Variants in ITGA8 observed in about 807,000 individuals in gnomAD.
The protein encoded by ITGA8 is integrin subunit alpha 8.
In ITGA8, 91 loss-of-function variants were observed where a neutral mutation model predicts 142.3. That is an observed-to-expected ratio of 0.64 (90% CI 0.54 to 0.76). The LOEUF (loss-of-function observed/expected upper bound fraction) is 0.76, where lower values mean the gene tolerates loss of function less well. ITGA8 is among the 30% of genes least tolerant of loss of function. The pLI is 0.00. For missense variants in ITGA8, 1,406 were observed against 1,327.7 expected (o/e 1.06, Z -0.92); for synonymous variants, 505 against 485.2 (o/e 1.04, Z -0.54).
At chr10:15,623,662 G>A (rs1344416663) in intron 13 of ITGA8, among the ~76,000 whole-genome samples, 1 of 151,958 alleles carries the variant, frequency 6.6e-6, no homozygotes, top group Non-Finnish European at 1.5e-5. Context: ...CTCCAGCCAG[G>A]GTGGCAGAGT....
intron 28 of ITGA8, among the ~76,000 whole-genome samples, chr10:15,525,268 C>A (rs1302004402): frequency 1.3e-5 from 2 of 152,108 alleles, no homozygotes; most frequent in East Asian, 3.8e-4. Context: ...CAAGACATAA[C>A]CTTGCCCTTG....
intron 20 of ITGA8, among the ~76,000 whole-genome samples, chr10:15,603,754 T>G (rs1319475): frequency 0.78 from 119,314 of 152,110 alleles, 46,932 homozygotes; most frequent in South Asian, 0.89. Flanking sequence ...TTTCCCTTCC[T>G]GTGTCGGTCC....
chr10:15,557,206 C>A (rs1331584433), intron 26 of ITGA8, among the ~76,000 whole-genome samples: 1 of 152,060 alleles, frequency 6.6e-6, no homozygotes, highest in Non-Finnish European at 1.5e-5. Context: ...CATAGTGAAA[C>A]CTTACCTCTA....
chr10:15,624,296 C>T (rs1833543300), intron 13 of ITGA8, among the ~76,000 whole-genome samples: 1 of 152,194 alleles, frequency 6.6e-6, no homozygotes, highest in Non-Finnish European at 1.5e-5. Flanking sequence ...AACTCCAGTT[C>T]ACTTTGCTAC....
Position 15,678,771 on chromosome 10 carries a change from G to T in ITGA8, c.581C>A (p.Pro194Gln). The change falls in exon 5 of 30, where the codon CCG becomes CAG. Residue 194 changes from proline to glutamine, a missense_variant. Transcript: ENST00000378076. ...TGCTTGGCAGTAACCCTGGCCTTCC[G>T]GATCAGCATTGCCTAGAACGATCAA... ...FSPCRNSNAD[P>Q]EGQGYCQAGF... is the part of the protein sequence containing the mutation. The T allele has an allele frequency of 6.2e-7, 1 of 1,605,672 alleles. No individual in the cohort carries two copies. The highest frequency in any genetic ancestry group is 8.5e-7 in the Non-Finnish European group (1 of 1,172,966).
intron 6 of ITGA8, among the ~76,000 whole-genome samples, chr10:15,673,828 C>T (rs944486223): frequency 3.4e-5 from 5 of 148,794 alleles, no homozygotes; most frequent in African/African-American, 5.2e-5. Flanking sequence ...GTTAATCTCT[C>T]TCAAAAGTCA....
intron 13 of ITGA8, among the ~76,000 whole-genome samples, chr10:15,636,275 T>C (rs1355101843): frequency 6.6e-6 from 1 of 152,238 alleles, no homozygotes; most frequent in Non-Finnish European, 1.5e-5. Context: ...TCCTCTAAAA[T>C]GCTTTCACTC....
chr10:15,532,243 C>T (rs1181027066), intron 27 of ITGA8, among the ~76,000 whole-genome samples: 1 of 151,758 alleles, frequency 6.6e-6, no homozygotes, highest in Non-Finnish European at 1.5e-5. Flanking sequence ...GATGGTGAAA[C>T]CCTGTCTCTA....
At chr10:15,668,767 C>T (rs1834448219) in intron 8 of ITGA8, among the ~76,000 whole-genome samples, 1 of 152,046 alleles carries the variant, frequency 6.6e-6, no homozygotes, top group South Asian at 2.1e-4. Context: ...TTTATTTCTC[C>T]TTCACTTCTG....
Position 15,687,930 on chromosome 10 carries a change from A to G in ITGA8, c.444+8T>C, listed in dbSNP as rs200587719. ...AAGCAGCAGCACAAGCCCACGGCTC[A>G]TACTCACCACAACTTTTCCTTTGTG... On this transcript the variant is annotated splice_region_variant and intron_variant, in intron 3 of 29. Transcript: ENST00000378076. 620 of 1,567,560 alleles carry G rather than the reference A, an allele frequency of 4.0e-4. No individual in the cohort carries two copies. Among genetic ancestry groups the G allele is most frequent in the Non-Finnish European group, 5.3e-4 (600 of 1,137,670 alleles).
At chr10:15,571,280 G>C (rs1338983672) in intron 25 of ITGA8, among the ~76,000 whole-genome samples, 2 of 152,214 alleles carry the variant, frequency 1.3e-5, no homozygotes, top group African/African-American at 4.8e-5. Flanking sequence ...GGGCAGACCT[G>C]CTCTGTCTTG....
At chr10:15,646,295 T>G (rs1050559258) in intron 12 of ITGA8, among the ~76,000 whole-genome samples, 1 of 152,234 alleles carries the variant, frequency 6.6e-6, no homozygotes, top group Admixed American at 6.5e-5. Flanking sequence ...AAGTTTAAAG[T>G]TGAACATTTG....
At chr10:15,598,443 A>G (rs1167434373) in intron 20 of ITGA8, among the ~76,000 whole-genome samples, 1 of 152,234 alleles carries the variant, frequency 6.6e-6, no homozygotes, top group Admixed American at 6.5e-5. Flanking sequence ...TTTTATTAAC[A>G]AAAGCCCAAA....
At chr10:15,581,905 G>T (rs1834415388) in intron 23 of ITGA8, among the ~76,000 whole-genome samples, 3 of 152,140 alleles carry the variant, frequency 2.0e-5, no homozygotes, top group South Asian at 4.1e-4. Context: ...ATTCAGTGGG[G>T]GGAAAAATGG....
chr10:15,672,722 T>G lies in ITGA8; in HGVS notation c.704A>C (p.Asp235Ala). 1 of 1,612,480 alleles carries G rather than the reference T, an allele frequency of 6.2e-7. No homozygotes were observed. The highest frequency in any genetic ancestry group is 8.5e-7 in the Non-Finnish European group (1 of 1,179,332). The change falls in exon 7 of 30, where the codon GAT becomes GCT. Residue 235 changes from aspartate (D) to alanine (A), a missense_variant. Asp to Ala is a moderately radical substitution (Grantham distance 126). Coordinates refer to ENST00000378076, the MANE Select transcript of ITGA8 (RefSeq NM_003638.3). ...CTTGAATGAGTAATTTGCAATGATATCTGCAACACTGGCAGTGATCACTTG... is the reference window on the plus strand; with the variant it reads ...CTTGAATGAGTAATTTGCAATGATAGCTGCAACACTGGCAGTGATCACTTG... ...QGQVITASVA[D>A]IIANYSFKDI...
intron 13 of ITGA8, among the ~76,000 whole-genome samples, chr10:15,625,549 G>T (rs981308312): frequency 6.6e-6 from 1 of 152,202 alleles, no homozygotes; most frequent in African/African-American, 2.4e-5. Context: ...GTCTCCAGAA[G>T]AGCGTGATAG....
At chr10:15,652,211 A>G (rs962040505) in intron 11 of ITGA8, among the ~76,000 whole-genome samples, 11 of 152,228 alleles carry the variant, frequency 7.2e-5, no homozygotes, top group Non-Finnish European at 1.2e-4. Flanking sequence ...AAAGTACTAT[A>G]AACATTCTCA....
At chr10:15,629,682 T>A (rs1188023224) in intron 13 of ITGA8, among the ~76,000 whole-genome samples, 2 of 152,108 alleles carry the variant, frequency 1.3e-5, no homozygotes, top group Non-Finnish European at 2.9e-5. Context: ...ATCCCAGCAC[T>A]ATGGGAGGCC....
At chr10:15,672,294 C>T (rs533271887) in intron 7 of ITGA8, among the ~76,000 whole-genome samples, 20 of 152,278 alleles carry the variant, frequency 1.3e-4, no homozygotes, top group Admixed American at 1.0e-3. Context: ...TTCTCTTGTG[C>T]GTCTCTGTTA....
Sources: gnomAD v4.1 joint callset for allele counts (sites outside exome capture counted in the v4.1 genomes callset) on GRCh38, gnomAD v4.1.1 for gene constraint, MANE v1.5 for transcripts, NCBI Gene and HGNC (gene_info 2026-07-23, HGNC 2026-07-21) for gene names.